The following IDH2 variants were observed in gnomAD, a reference collection of about 807,000 sequenced individuals.
IDH2 encodes isocitrate dehydrogenase [NADP], mitochondrial.
IDH2 carries 18 observed loss-of-function variants against 50.5 expected under a neutral mutation model. That is an observed-to-expected ratio of 0.36 (90% CI 0.25 to 0.53). The LOEUF is 0.53. Ranked by LOEUF, IDH2 falls within the 20% of genes least tolerant of loss-of-function variation. The probability of loss-of-function intolerance (pLI) is 0.92; values close to 1 mark genes in which losing one functional copy is unlikely to be tolerated. For synonymous variants in IDH2, 280 were observed against 239.8 expected, an observed-to-expected ratio of 1.17 and a Z score of -1.55; for missense variants, 518 against 610.7, an observed-to-expected ratio of 0.85 and a Z score of 1.60.
chr15:90,084,758 G>T lies in IDH2; in HGVS notation c.1271+58C>A. On this transcript the variant is annotated intron_variant, in intron 10 of 10. Transcript: ENST00000330062. The surrounding 1 kb of genome is among the most constrained non-coding windows in gnomAD (Gnocchi z 5.0). ...ACTCATGAGGGGGACTTTAGGAGGGGTCCCCTGGCTTCCTCCCACATGGCC... is the reference window on the plus strand; with the variant it reads ...ACTCATGAGGGGGACTTTAGGAGGGTTCCCCTGGCTTCCTCCCACATGGCC... The T allele has an allele frequency of 7.2e-7, 1 of 1,394,798 alleles. No individual in the cohort carries two copies. Among genetic ancestry groups the T allele is most frequent in the Non-Finnish European group, 1.0e-6 (1 of 986,248 alleles). 86.4% of individuals were successfully genotyped at this position (1,394,798 alleles called of 1,614,324 possible). A position where few individuals can be genotyped will look rare whatever the true frequency, so the allele number is the denominator to read the frequency against.
chr15:90,091,732 A>C (rs1901044217), intron 1 of IDH2, 88 bp from the exon 2 acceptor site: 1 of 1,061,832 alleles, frequency 9.4e-7, no homozygotes, highest in Non-Finnish European at 1.5e-6. Flanking sequence ...CTTCACCAGG[A>C]GACAGTGGCA....
At chr15:90,093,630 A>T (rs1282389759) in intron 1 of IDH2, among the ~76,000 whole-genome samples, 3 of 151,744 alleles carry the variant, frequency 2.0e-5, no homozygotes, top group Non-Finnish European at 4.4e-5. Flanking sequence ...TTATTTATTT[A>T]TTTTTTGAGA....
chr15:90,087,584 G>A lies in IDH2; in HGVS notation c.679-9C>T, dbSNP rs763654985. ...GCAAAACCTGAGATGGACTGCAGGG[G>A]GAGAGACAGGGCCCTGGCGTGGTGC... On this transcript the variant is annotated splice_polypyrimidine_tract_variant and intron_variant, in intron 5 of 10. Coordinates refer to ENST00000330062, the MANE Select transcript of IDH2 (RefSeq NM_002168.4). 1.2e-6 allele frequency: 2 copies of A among 1,612,678 alleles called. No individual in the cohort carries two copies. Among genetic ancestry groups the A allele is most frequent in the East Asian group, 2.2e-5 (1 of 44,894 alleles).
chr15:90,102,430 G>A lies in IDH2; in HGVS notation c.-40C>T, dbSNP rs1391978279. The A allele has an allele frequency of 1.8e-6, 2 of 1,137,418 alleles. No individual in the cohort carries two copies. The highest frequency in any genetic ancestry group is 3.5e-5 in the East Asian group (1 of 28,896). The allele number at this position is 1,137,418 out of a possible 1,614,324, so 70.5% of individuals were successfully genotyped here. ...CGAACGAGCAGGGCGGGAGAGGTCC[G>A]AGCGCGCGCCGCTCCTCCCGGCTGC... On this transcript the variant is annotated 5_prime_UTR_variant, in exon 1 of 11. Coordinates refer to ENST00000330062, the MANE Select transcript of IDH2 (RefSeq NM_002168.4).
intron 3 of IDH2, 117 bp from the exon 4 acceptor site, chr15:90,088,864 G>T (rs1029851301): frequency 1.1e-6 from 1 of 916,650 alleles, no homozygotes; most frequent in Non-Finnish European, 1.7e-6. Context: ...GAGGAAGGCA[G>T]TAGAGTCTAG....
intron 1 of IDH2, among the ~76,000 whole-genome samples, chr15:90,092,394 CGT>C (rs1327522365): frequency 2.6e-5 from 3 of 113,496 alleles, no homozygotes; most frequent in South Asian, 2.7e-4. Flanking sequence ...TCCTTCCTTT[CGT>C]TCCTTCCTCC....
rs1389918510 is a variant in IDH2 at position 90,085,393 on chromosome 15, G to A, written c.968-6C>T. The A allele has an allele frequency of 1.9e-6, 3 of 1,549,490 alleles. No homozygotes were observed. Among genetic ancestry groups the A allele is most frequent in the African/African-American group, 1.4e-5 (1 of 73,114 alleles). ...CAGGCCAAGGGAGCCAAAGCCTGGA[G>A]GGTAGAAAGCCTTTCTCTCAGGGCC... On this transcript the variant is annotated splice_region_variant and splice_polypyrimidine_tract_variant and intron_variant, in intron 7 of 10. Coordinates refer to ENST00000330062, the MANE Select transcript of IDH2 (RefSeq NM_002168.4). This position sits in a 1 kb window ranked among gnomAD's most constrained non-coding sequence, Gnocchi z 5.5.
In IDH2 at chr15:90,084,565, C is replaced by T. The variant is rs1900807386; in HGVS notation, c.1272-212G>A. 6.6e-6 allele frequency among the ~76,000 whole-genome samples: 1 copy of T among 152,208 alleles called. No individual in the cohort carries two copies. Among genetic ancestry groups the T allele is most frequent in the South Asian group, 2.1e-4 (1 of 4,820 alleles). ...GGGTCTGTCTTGCCAGGTAACTGCT[C>T]TCCTGAGAGAAGCTGGGAAAGGGGT... On this transcript the variant is annotated intron_variant, in intron 10 of 10. Transcript: ENST00000330062. This position sits in a 1 kb window ranked among gnomAD's most constrained non-coding sequence, Gnocchi z 5.0.
rs1901314318 is a variant in IDH2, at chr15:90,100,940, T to TC, written c.115+1335_115+1336insG. Among the ~76,000 whole-genome samples the TC allele has an allele frequency of 1.5e-5, 2 of 134,028 alleles. No homozygotes were observed. Among genetic ancestry groups the TC allele is most frequent in the Admixed American group, 7.1e-5 (1 of 14,088 alleles). The allele number at this position is 134,028 out of a possible 152,430, so 87.9% of individuals were successfully genotyped here. A position where few individuals can be genotyped will look rare whatever the true frequency, so the allele number is the denominator to read the frequency against. On this transcript the variant is annotated intron_variant, in intron 1 of 10. Coordinates refer to ENST00000330062, the MANE Select transcript of IDH2 (RefSeq NM_002168.4). The surrounding 1 kb of genome is among the most constrained non-coding windows in gnomAD (Gnocchi z 4.1). ...TGTGTTTTTCGGGTTGTTTGTTTCT[T>TC]TTTTTTTTTTTTACCATCAAGGCAG...
In IDH2 at chr15:90,098,459, A is replaced by G. The variant is rs377713597; in HGVS notation, c.115+3817T>C. 7.9e-5 allele frequency among the ~76,000 whole-genome samples: 12 copies of G among 152,132 alleles called. No homozygotes were observed. The East Asian group carries it at 2.3e-3, about 29-fold the overall frequency. On this transcript the variant is annotated intron_variant, in intron 1 of 10. Coordinates refer to ENST00000330062, the MANE Select transcript of IDH2 (RefSeq NM_002168.4). This position sits in a 1 kb window ranked among gnomAD's most constrained non-coding sequence, Gnocchi z 5.1. ...GATCAGAGAGTGGGGAAAGGTTCCA[A>G]TTCCTGGGGGCTCAAGAAGGCAGGA...
intron 1 of IDH2, among the ~76,000 whole-genome samples, chr15:90,095,559 T>G (rs1008622296): frequency 1.3e-5 from 2 of 152,072 alleles, no homozygotes; most frequent in African/African-American, 4.8e-5. Flanking sequence ...AGCCTCAGCC[T>G]GGGCTCCACG....
Position 90,087,454 on chromosome 15 carries a change from T to C in IDH2, c.800A>G (p.Gln267Arg). 1 of 1,614,216 alleles carries C rather than the reference T, an allele frequency of 6.2e-7. No individual in the cohort carries two copies. Among genetic ancestry groups the C allele is most frequent in the African/African-American group, 1.3e-5 (1 of 75,062 alleles). Residue 267 changes from glutamine to arginine, a missense_variant, in exon 6 of 11, where the codon CAG (glutamine) becomes CGG (arginine). Gln to Arg is a conservative substitution (Grantham distance 43). Coordinates refer to ENST00000330062, the MANE Select transcript of IDH2 (RefSeq NM_002168.4). ...AYDGRFKDIF[Q>R]EIFDKHYKTD... ...GAGGCTTTACTTGTCAAAGATCTCCTGGAAGATGTCCTTGAAACGCCCATC... is the reference window on the plus strand; with the variant it reads ...GAGGCTTTACTTGTCAAAGATCTCCCGGAAGATGTCCTTGAAACGCCCATC...
At chr15:90,091,776 C>T (rs1901045599) in intron 1 of IDH2, 132 bp from the exon 2 acceptor site, 2 of 765,026 alleles carry the variant, frequency 2.6e-6, no homozygotes, top group African/African-American at 1.7e-5. Context: ...GGTGTCCACT[C>T]CCCCGTCTGC....
Position 90,087,276 on chromosome 15 carries a change from A to C in IDH2, c.816-13T>G, listed in dbSNP as rs1900884321. ...GGTCTTATAGTGCCTGGGAGTAAAA[A>C]GGTCTGTTATGGGGAGAGGGCAGAA... On this transcript the variant is annotated splice_polypyrimidine_tract_variant and intron_variant, in intron 6 of 10. Transcript: ENST00000330062. 3 of 1,614,032 alleles carry C rather than the reference A, an allele frequency of 1.9e-6. No homozygotes were observed. Among genetic ancestry groups the C allele is most frequent in the East Asian group, 4.5e-5 (2 of 44,900 alleles).
intron 1 of IDH2, among the ~76,000 whole-genome samples, chr15:90,095,473 A>T (rs1901158834): frequency 4.9e-5 from 2 of 40,760 alleles, no homozygotes; most frequent in African/African-American, 1.3e-4. Context: ...CAAATTTGTT[A>T]AAAAAAAAAA....
chr15:90,087,619 G>C (rs770959675), intron 5 of IDH2, 44 bp from the exon 6 acceptor site: 1 of 1,611,280 alleles, frequency 6.2e-7, no homozygotes. Context: ...CCCTAGCCTG[G>C]CGATTGCCGG....
intron 5 of IDH2, among the ~76,000 whole-genome samples, chr15:90,088,040 G>C (rs551372385): frequency 7.9e-5 from 12 of 152,168 alleles, no homozygotes; most frequent in Non-Finnish European, 1.6e-4. Flanking sequence ...TCTTCTGATA[G>C]GGTAGCCAAG....
chr15:90,102,177 C>T (rs913805515), intron 1 of IDH2, 99 bp downstream of exon 1: 5 of 442,084 alleles, frequency 1.1e-5, no homozygotes, highest in Non-Finnish European at 1.4e-5. Context: ...CGTCCCCGGG[C>T]TGCGGGCTGG....
At position 90,087,268 on chromosome 15, in the gene IDH2, G is replaced by C; in HGVS notation, c.816-5C>G. The stretch of plus-strand genomic sequence containing the variant: ...TCGAAGTCGGTCTTATAGTGCCTGG[G>C]AGTAAAAAGGTCTGTTATGGGGAGA... On this transcript the variant is annotated splice_polypyrimidine_tract_variant and splice_region_variant and intron_variant, in intron 6 of 10. Transcript: ENST00000330062. 1 of 1,614,106 alleles carries C rather than the reference G, an allele frequency of 6.2e-7. No homozygotes were observed.
Sources: allele counts gnomAD v4.1 joint callset (sites outside exome capture counted in the v4.1 genomes callset), GRCh38; gene constraint gnomAD v4.1.1; non-coding constraint Gnocchi (gnomAD v3.1); transcripts MANE v1.5; gene names NCBI Gene and HGNC (gene_info 2026-07-23, HGNC 2026-07-21).